Variants in LARP4 observed in about 807,000 individuals in gnomAD.
The protein encoded by LARP4 is la-related protein 4.
Under a neutral mutation model 92.9 loss-of-function variants are expected in LARP4, and 29 were observed. The ratio of observed to expected loss-of-function variants is 0.31; its 90% CI spans 0.23 to 0.43. LARP4 has a LOEUF of 0.43. Ranked by LOEUF, LARP4 falls within the 20% of genes least tolerant of loss-of-function variation. The probability of loss-of-function intolerance (pLI) is 1.00; values close to 1 mark genes in which losing one functional copy is unlikely to be tolerated. For missense variants in LARP4, 732 were observed against 860.0 expected, an observed-to-expected ratio of 0.85 and a Z score of 1.86; for synonymous variants, 279 against 284.1, an observed-to-expected ratio of 0.98 and a Z score of 0.18.
chr12:50,434,136 G>A (rs1006033330), intron 4 of LARP4, among the ~76,000 whole-genome samples: 2 of 152,118 alleles, frequency 1.3e-5, no homozygotes, highest in East Asian at 3.9e-4. Context: ...TTAAATGCAA[G>A]GACAGGAATC....
chr12:50,461,175 T>C lies in LARP4; in HGVS notation c.1162T>C (p.Ser388Pro), dbSNP rs748018488. The C allele has an allele frequency of 1.2e-6, 2 of 1,614,080 alleles. No individual in the cohort carries two copies. The highest frequency in any genetic ancestry group is 1.7e-6 in the Non-Finnish European group (2 of 1,179,976). Residue 388 changes from serine to proline, a missense_variant, in exon 11 of 16, where the codon TCA (serine) becomes CCA (proline). Around this residue, in one of 7 missense-constraint regions of LARP4, gnomAD observed 264 missense variants for 269.5 expected, o/e 0.98. Transcript: ENST00000398473. ...TAGGTCATCTGGTGGTTCAGAACAC[T>C]CAACAGAGGGCTCTGTATCCTTGGG... ...QFRSSGGSEH[S>P]TEGSVSLGDG...
intron 10 of LARP4, among the ~76,000 whole-genome samples, chr12:50,459,055 A>G (rs778400406): frequency 1.3e-5 from 2 of 152,050 alleles, no homozygotes; most frequent in Non-Finnish European, 2.9e-5. Flanking sequence ...CTGGAGTGCA[A>G]TGGTGTGATC....
At chr12:50,406,287 A>G (rs1021821132) in intron 1 of LARP4, among the ~76,000 whole-genome samples, 4 of 151,818 alleles carry the variant, frequency 2.6e-5, no homozygotes, top group African/African-American at 9.7e-5. Flanking sequence ...CTGGGCAACA[A>G]AGTTAGACAC....
intron 12 of LARP4, among the ~76,000 whole-genome samples, chr12:50,466,534 A>G (rs11169436): frequency 0.035 from 5,259 of 152,212 alleles, 128 homozygotes; most frequent in Middle Eastern, 0.051. Flanking sequence ...GGATTACTTG[A>G]GTCCAGGAAG....
rs566991372 is a variant in LARP4, at chr12:50,461,277, G to A, written c.1264G>A (p.Glu422Lys). The stretch of plus-strand genomic sequence containing the variant: ...TAACCCCACAGTAACTGGGCATCAG[G>A]AGCAAACTTACCTTCAGAAGGAGAC... ...RHNPTVTGHQ[E>K]QTYLQKETST... Residue 422 changes from glutamate (E) to lysine (K), a missense_variant, in exon 11 of 16, where the codon GAG becomes AAG. Around this residue, in one of 7 missense-constraint regions of LARP4, gnomAD observed 264 missense variants for 269.5 expected, o/e 0.98. Transcript: ENST00000398473. 13 of 1,614,056 alleles carry A rather than the reference G, an allele frequency of 8.1e-6. No homozygotes were observed. In the South Asian group the frequency reaches 1.4e-4, roughly 18 times the overall value.
At chr12:50,470,910 T>G (rs550403751) in intron 13 of LARP4, among the ~76,000 whole-genome samples, 1 of 152,288 alleles carries the variant, frequency 6.6e-6, no homozygotes, top group Non-Finnish European at 1.5e-5. Flanking sequence ...AATTCTTCTG[T>G]GAAGGGCCAG....
At chr12:50,423,370 G>A (rs954941977) in intron 1 of LARP4, among the ~76,000 whole-genome samples, 2 of 152,150 alleles carry the variant, frequency 1.3e-5, no homozygotes, top group African/African-American at 2.4e-5. Flanking sequence ...ATGCGTCGGT[G>A]TTTGTGTAGT....
intron 1 of LARP4, among the ~76,000 whole-genome samples, chr12:50,426,684 G>GGTGTGTGTGTGTGTGTGTGT (rs762987529): frequency 4.9e-4 from 42 of 86,166 alleles, no homozygotes; most frequent in South Asian, 1.1e-3. Context: ...TTATGTTTGG[G>GGTGTGTGTGTGTGTGTGTGT]GTGTGTGTGT....
chr12:50,416,758 G>C (rs991209569), intron 1 of LARP4, among the ~76,000 whole-genome samples: 1 of 151,942 alleles, frequency 6.6e-6, no homozygotes, highest in Non-Finnish European at 1.5e-5. Flanking sequence ...GCTGAGGCAG[G>C]CTGATAGACT....
chr12:50,447,697 G>T (rs1230438057), intron 8 of LARP4, among the ~76,000 whole-genome samples: 1 of 152,020 alleles, frequency 6.6e-6, no homozygotes, highest in Non-Finnish European at 1.5e-5. Flanking sequence ...TCTGCCTTCA[G>T]AGTAGCTAAT....
chr12:50,409,161 A>G (rs186758155), intron 1 of LARP4, among the ~76,000 whole-genome samples: 7 of 150,702 alleles, frequency 4.6e-5, no homozygotes, highest in Non-Finnish European at 1.5e-5. Flanking sequence ...TACATAAAAG[A>G]TTTTTTTTTT....
intron 1 of LARP4, among the ~76,000 whole-genome samples, chr12:50,404,225 T>G (rs1321095975): frequency 1.3e-5 from 2 of 151,908 alleles, no homozygotes; most frequent in African/African-American, 2.4e-5. Flanking sequence ...AGACTCTGTC[T>G]CAAAAAAAAG....
intron 13 of LARP4, among the ~76,000 whole-genome samples, chr12:50,469,918 GA>G (rs1956715321): frequency 9.9e-6 from 1 of 100,846 alleles, no homozygotes; most frequent in Admixed American, 1.1e-4. Context: ...TCAAAAAACA[GA>G]AAAAGAAAAA....
Position 50,437,851 on chromosome 12 carries a change from T to A in LARP4, c.639+13T>A. 1 of 1,446,232 alleles carries A rather than the reference T, an allele frequency of 6.9e-7. No individual in the cohort carries two copies. The highest frequency in any genetic ancestry group is 9.7e-7 in the Non-Finnish European group (1 of 1,033,638). The allele number at this position is 1,446,232 out of a possible 1,614,324, so 89.6% of individuals were successfully genotyped here. ...AACACCAATAGAGGTAAATTATTAA[T>A]AATTGTTAACACTAAATGTTCTCTG... On this transcript the variant is annotated intron_variant, in intron 6 of 15. Transcript: ENST00000398473.
intron 10 of LARP4, 47 bp downstream of exon 10, chr12:50,454,464 G>A: frequency 7.5e-7 from 1 of 1,337,862 alleles, no homozygotes; most frequent in Non-Finnish European, 1.1e-6. Context: ...AATTCCTAAT[G>A]GATCTTAAGG....
chr12:50,429,168 C>T lies in LARP4; in HGVS notation c.322+78C>T, dbSNP rs114904573. On this transcript the variant is annotated intron_variant, in intron 3 of 15. Transcript: ENST00000398473. ...CACCCATGGTCTCTTTATACTTGTTCTGATAAACCTATGGCATTATTTTCT... is the reference window on the plus strand; with the variant it reads ...CACCCATGGTCTCTTTATACTTGTTTTGATAAACCTATGGCATTATTTTCT... 996 of 961,754 alleles carry T rather than the reference C, an allele frequency of 1.0e-3. 3 individuals carry two copies. The highest frequency in any genetic ancestry group is 5.5e-3 in the African/African-American group (333 of 60,010). 59.6% of individuals were successfully genotyped at this position (961,754 alleles called of 1,614,324 possible). A position where few individuals can be genotyped will look rare whatever the true frequency, so the allele number is the denominator to read the frequency against.
At position 50,437,834 on chromosome 12, in the gene LARP4, T is replaced by C; in HGVS notation, c.635T>C (p.Ile212Thr). 6.6e-7 allele frequency: 1 copy of C among 1,523,962 alleles called. No individual in the cohort carries two copies. The highest frequency in any genetic ancestry group is 9.1e-7 in the Non-Finnish European group (1 of 1,101,308). The allele number at this position is 1,523,962 out of a possible 1,614,324, so 94.4% of individuals were successfully genotyped here. A position where few individuals can be genotyped will look rare whatever the true frequency, so the allele number is the denominator to read the frequency against. The change falls in exon 6 of 16, where the codon ATA (isoleucine) becomes ACA (threonine). Residue 212 changes from isoleucine (I) to threonine (T), a missense_variant. By Grantham distance (89) the Ile-to-Thr change is moderately conservative. Coordinates refer to ENST00000398473, the MANE Select transcript of LARP4 (RefSeq NM_052879.5). The stretch of plus-strand genomic sequence containing the variant: ...AGAGAGATTCCTGAAACAACACCAA[T>C]AGAGGTAAATTATTAATAATTGTTA... Reference protein sequence around the residue: ...ILREIPETTPIEEVKGLFKSE... With the variant: ...ILREIPETTPTEEVKGLFKSE...
chr12:50,456,021 C>T (rs1462805585), intron 10 of LARP4, among the ~76,000 whole-genome samples: 2 of 152,082 alleles, frequency 1.3e-5, no homozygotes, highest in East Asian at 1.9e-4. Context: ...CACTGCACTC[C>T]AGCCTGGGTG....
intron 1 of LARP4, among the ~76,000 whole-genome samples, chr12:50,422,951 G>T (rs1233047220): frequency 6.6e-6 from 1 of 151,766 alleles, no homozygotes; most frequent in Non-Finnish European, 1.5e-5. Flanking sequence ...CCAAGGAGCT[G>T]GGATTACAGA....
Sources: allele counts gnomAD v4.1 joint callset (sites outside exome capture counted in the v4.1 genomes callset), GRCh38; gene constraint gnomAD v4.1.1; regional missense constraint gnomAD v4.1.1; transcripts MANE v1.5; gene names NCBI Gene and HGNC (gene_info 2026-07-23, HGNC 2026-07-21).